The following FMN1 variants were observed in gnomAD, a reference collection of about 807,000 sequenced individuals.
The protein encoded by FMN1 is formin-1.
Under a neutral mutation model 132.4 loss-of-function variants are expected in FMN1, and 110 were observed. The observed-to-expected ratio is 0.83, with a 90% CI of 0.71 to 0.97. The LOEUF is 0.97. FMN1 is among the 50% of genes least tolerant of loss of function. The pLI is 0.00. For missense variants in FMN1, 1,792 were observed against 1,705.3 expected (o/e 1.05, Z -0.90); for synonymous variants, 722 against 651.7 (o/e 1.11, Z -1.64).
intron 6 of FMN1, among the ~76,000 whole-genome samples, chr15:33,053,729 C>T (rs1358301941): frequency 6.6e-6 from 1 of 152,038 alleles, no homozygotes; most frequent in Non-Finnish European, 1.5e-5. Flanking sequence ...TACAAATGAG[C>T]TGCCAAATGG....
intron 17 of FMN1, among the ~76,000 whole-genome samples, chr15:32,804,972 C>T (rs1331087537): frequency 6.6e-6 from 1 of 152,158 alleles, no homozygotes; most frequent in Admixed American, 6.5e-5. Flanking sequence ...AATAAATATA[C>T]ATGTGCATAT....
intron 8 of FMN1, among the ~76,000 whole-genome samples, chr15:32,966,590 G>T (rs1473460031): frequency 6.6e-6 from 1 of 152,050 alleles, no homozygotes; most frequent in Non-Finnish European, 1.5e-5. Context: ...GCTTATTCTA[G>T]AAATCACGAA....
At chr15:32,917,800 A>G (rs7180268) in intron 10 of FMN1, among the ~76,000 whole-genome samples, 1 of 152,158 alleles carries the variant, frequency 6.6e-6, no homozygotes, top group African/African-American at 2.4e-5. Context: ...TAACCAATTA[A>G]GAACAAACTA....
chr15:32,835,344 T>A (rs968218039), intron 17 of FMN1, among the ~76,000 whole-genome samples: 5 of 152,230 alleles, frequency 3.3e-5, no homozygotes, highest in Non-Finnish European at 5.9e-5. Flanking sequence ...TTAGAATTAT[T>A]TTCCTCTTCC....
At chr15:32,867,708 G>T (rs2059425098) in intron 16 of FMN1, among the ~76,000 whole-genome samples, 1 of 152,126 alleles carries the variant, frequency 6.6e-6, no homozygotes, top group Admixed American at 6.5e-5. Flanking sequence ...AGCCGGGATG[G>T]TCTCAATCTC....
In FMN1 at chr15:32,939,996, C is replaced by T. The variant is rs112618940; in HGVS notation, c.3139-13735G>A. On this transcript the variant is annotated intron_variant, in intron 9 of 20. Transcript: ENST00000616417. ...AAAACCTAATTATTAAGCACCAACC[C>T]ACTCCTTAAGCTTCTGTTTGCTATT... 5.1e-3 allele frequency among the ~76,000 whole-genome samples: 778 copies of T among 152,170 alleles called. 6 individuals carry two copies. Among genetic ancestry groups the T allele is most frequent in the Non-Finnish European group, 7.8e-3 (533 of 68,006 alleles).
intron 6 of FMN1, among the ~76,000 whole-genome samples, chr15:33,056,321 A>C (rs1289400596): frequency 6.6e-6 from 1 of 152,256 alleles, no homozygotes; most frequent in South Asian, 2.1e-4. Flanking sequence ...TTAATTGAGC[A>C]AAGGACAATT....
intron 3 of FMN1, among the ~76,000 whole-genome samples, chr15:33,166,408 AT>A (rs1283055957): frequency 2.0e-5 from 3 of 152,044 alleles, no homozygotes; most frequent in African/African-American, 7.2e-5. Context: ...GCGGGATAGG[AT>A]TTTAAAAATG....
chr15:33,152,166 A>T (rs974364002), intron 4 of FMN1, among the ~76,000 whole-genome samples: 2 of 152,210 alleles, frequency 1.3e-5, no homozygotes, highest in African/African-American at 2.4e-5. Context: ...TGGCATATAA[A>T]ACCCTGAGAT....
chr15:33,069,239 G>A (rs898118314), intron 5 of FMN1, among the ~76,000 whole-genome samples: 2 of 152,192 alleles, frequency 1.3e-5, no homozygotes, highest in Non-Finnish European at 2.9e-5. Context: ...AAGGATGGGG[G>A]TAAAAATTGC....
At chr15:33,194,147 T>G (rs1409734275) in intron 1 of FMN1, 87 bp from the exon 2 acceptor site, 1 of 125,476 alleles carries the variant, frequency 8.0e-6, no homozygotes, top group Non-Finnish European at 1.6e-5. Flanking sequence ...CCCAATGCAA[T>G]CCCATTGTGG....
chr15:33,000,003 G>A (rs142717806), intron 7 of FMN1, among the ~76,000 whole-genome samples: 1 of 152,302 alleles, frequency 6.6e-6, no homozygotes, highest in East Asian at 1.9e-4. Flanking sequence ...TCCCTTCACA[G>A]AGTGACACAT....
At chr15:33,071,284 A>G (rs2037989549) in intron 5 of FMN1, among the ~76,000 whole-genome samples, 1 of 152,228 alleles carries the variant, frequency 6.6e-6, no homozygotes, top group African/African-American at 2.4e-5. Flanking sequence ...AATCAAGCAA[A>G]AATTCCAGTA....
At chr15:32,982,860 A>G (rs1431845517) in intron 7 of FMN1, among the ~76,000 whole-genome samples, 7 of 152,092 alleles carry the variant, frequency 4.6e-5, no homozygotes, top group Non-Finnish European at 7.3e-5. Flanking sequence ...AGGCCTCTAG[A>G]CACAGACCAC....
intron 16 of FMN1, among the ~76,000 whole-genome samples, chr15:32,873,417 G>A (rs1462401697): frequency 6.6e-6 from 1 of 152,164 alleles, no homozygotes; most frequent in East Asian, 1.9e-4. Context: ...ACTGATCTCA[G>A]CTATTTAAAA....
intron 4 of FMN1, among the ~76,000 whole-genome samples, chr15:33,113,450 T>A (rs559911552): frequency 1.7e-4 from 26 of 152,312 alleles, no homozygotes; most frequent in Middle Eastern, 3.4e-3. Context: ...TTATACTGTT[T>A]ATGTAACATA....
At chr15:33,090,146 G>A (rs958686447) in intron 4 of FMN1, among the ~76,000 whole-genome samples, 2 of 152,238 alleles carry the variant, frequency 1.3e-5, no homozygotes, top group Non-Finnish European at 2.9e-5. Flanking sequence ...AAGCCACTAG[G>A]CAGAAGTTAA....
intron 4 of FMN1, among the ~76,000 whole-genome samples, chr15:33,115,305 T>C (rs2039875343): frequency 6.6e-6 from 1 of 152,092 alleles, no homozygotes; most frequent in Non-Finnish European, 1.5e-5. Context: ...GAAATAATAC[T>C]TGAAGGATGA....
At chr15:32,962,588 A>G (rs911015320) in intron 9 of FMN1, among the ~76,000 whole-genome samples, 16 of 151,132 alleles carry the variant, frequency 1.1e-4, no homozygotes, top group African/African-American at 3.9e-4. Flanking sequence ...TTTGCAACCT[A>G]CTCATCTGAC....
Sources: allele counts gnomAD v4.1 joint callset (sites outside exome capture counted in the v4.1 genomes callset), GRCh38; gene constraint gnomAD v4.1.1; transcripts MANE v1.5; gene names NCBI Gene and HGNC (gene_info 2026-07-23, HGNC 2026-07-21).